DLGAP1: variants seen among roughly 807,000 people sequenced by gnomAD.
DLGAP1 encodes disks large-associated protein 1.
Under a neutral mutation model 90.8 loss-of-function variants are expected in DLGAP1, and 11 were observed. That is an observed-to-expected ratio of 0.12 (90% CI 0.08 to 0.20). The LOEUF is 0.20. Among genes scored for constraint, DLGAP1 ranks in the 10% least tolerant of loss-of-function variants. The probability of loss-of-function intolerance (pLI) is 1.00; values close to 1 mark genes in which losing one functional copy is unlikely to be tolerated. For missense variants in DLGAP1, 1,050 were observed against 1,333.8 expected (o/e 0.79, Z 3.31); for synonymous variants, 558 against 540.7 (o/e 1.03, Z -0.44).
chr18:3,585,022 G>C (rs544093055), intron 7 of DLGAP1, among the ~76,000 whole-genome samples: 17 of 152,232 alleles, frequency 1.1e-4, no homozygotes, highest in Non-Finnish European at 1.6e-4. Context: ...CAAAGTGCTG[G>C]GATTAGAGGC....
chr18:4,364,539 G>C lies in DLGAP1; in HGVS notation c.-267+90467C>G, dbSNP rs553572745. 4.0e-5 allele frequency among the ~76,000 whole-genome samples: 6 copies of C among 151,336 alleles called. 1 individual carries two copies. In the South Asian group the frequency reaches 1.0e-3, roughly 26 times the overall value. On this transcript the variant is annotated intron_variant, in intron 1 of 12. Coordinates refer to ENST00000315677, the MANE Select transcript of DLGAP1 (RefSeq NM_004746.4). Reference sequence around the variant, plus strand: ...AAACAGTAATGGCAATAAAACATGGGAGGGAGTGCCCAGAATTGAGATGCT... The same window carrying C: ...AAACAGTAATGGCAATAAAACATGGCAGGGAGTGCCCAGAATTGAGATGCT...
chr18:4,266,347 C>T (rs1256429376), intron 1 of DLGAP1, among the ~76,000 whole-genome samples: 3 of 152,260 alleles, frequency 2.0e-5, no homozygotes, highest in Non-Finnish European at 4.4e-5. Context: ...GATAAAAATA[C>T]AATGCCACAG....
intron 7 of DLGAP1, among the ~76,000 whole-genome samples, chr18:3,697,802 T>C (rs1598386463): frequency 6.6e-6 from 1 of 152,158 alleles, no homozygotes; most frequent in African/African-American, 2.4e-5. Context: ...TCTCCCACTA[T>C]TATTGTGTGG....
intron 1 of DLGAP1, among the ~76,000 whole-genome samples, chr18:4,235,717 G>GTC (rs2078395565): frequency 9.8e-6 from 1 of 101,606 alleles, no homozygotes; most frequent in Non-Finnish European, 2.0e-5. Context: ...CAATTTCAAT[G>GTC]TCTTTTTTTT....
At chr18:3,718,222 AG>A (rs2061830799) in intron 7 of DLGAP1, among the ~76,000 whole-genome samples, 1 of 151,622 alleles carries the variant, frequency 6.6e-6, no homozygotes, top group African/African-American at 2.4e-5. Context: ...GCACTTTGGG[AG>A]GCTGAGGTGG....
intron 7 of DLGAP1, among the ~76,000 whole-genome samples, chr18:3,585,821 A>G (rs2055846385): frequency 6.6e-6 from 1 of 152,198 alleles, no homozygotes; most frequent in Non-Finnish European, 1.5e-5. Context: ...CTCCAAAAAA[A>G]AGCTAGATAA....
At chr18:3,740,592 T>C (rs577701333) in intron 6 of DLGAP1, among the ~76,000 whole-genome samples, 1 of 152,226 alleles carries the variant, frequency 6.6e-6, no homozygotes, top group African/African-American at 2.4e-5. Flanking sequence ...GAGAGCAGTG[T>C]CCCTATTTCA....
rs1214567386 is a variant in DLGAP1 at position 3,517,051 on chromosome 18, C to A, written c.2480-8390G>T. ...CTGAGCCATAGGTCTCAACAGTAGG[C>A]TTAAAGTGTACAGTAAACCATGCTG... On this transcript the variant is annotated intron_variant, in intron 10 of 12. Coordinates refer to ENST00000315677, the MANE Select transcript of DLGAP1 (RefSeq NM_004746.4). This position sits in a 1 kb window ranked among gnomAD's most constrained non-coding sequence, Gnocchi z 4.1. 1.3e-5 allele frequency among the ~76,000 whole-genome samples: 2 copies of A among 152,192 alleles called. No individual in the cohort carries two copies. Among genetic ancestry groups the A allele is most frequent in the East Asian group, 3.8e-4 (2 of 5,200 alleles).
At chr18:4,047,533 G>T (rs933693826) in intron 2 of DLGAP1, among the ~76,000 whole-genome samples, 3 of 152,174 alleles carry the variant, frequency 2.0e-5, no homozygotes, top group Non-Finnish European at 4.4e-5. Flanking sequence ...AATTTCAGAG[G>T]TTATACATAG....
intron 7 of DLGAP1, among the ~76,000 whole-genome samples, chr18:3,651,797 A>G (rs2059314621): frequency 6.6e-6 from 1 of 151,968 alleles, no homozygotes; most frequent in African/African-American, 2.4e-5. Context: ...ACATGGTGAA[A>G]CCCTGTCTCT....
At chr18:3,664,136 G>C (rs2059783932) in intron 7 of DLGAP1, among the ~76,000 whole-genome samples, 3 of 150,886 alleles carry the variant, frequency 2.0e-5, no homozygotes, top group Admixed American at 2.0e-4. Context: ...CTTGCTTGCT[G>C]ACTGCAGATC....
At chr18:3,873,308 A>G (rs546921886) in intron 4 of DLGAP1, among the ~76,000 whole-genome samples, 44 of 152,302 alleles carry the variant, frequency 2.9e-4, no homozygotes, top group African/African-American at 1.0e-3. Flanking sequence ...ATGAATGAAG[A>G]GGGGCATCTC....
intron 1 of DLGAP1, among the ~76,000 whole-genome samples, chr18:4,370,969 A>G (rs10502326): frequency 0.19 from 21,319 of 110,282 alleles, 1,755 homozygotes; most frequent in African/African-American, 0.31. Flanking sequence ...GTCAAAATTA[A>G]CAACATAACA....
At position 3,864,398 on chromosome 18, in the gene DLGAP1, T is replaced by G. The variant is rs148972798; in HGVS notation, c.957+14714A>C. The stretch of plus-strand genomic sequence containing the variant: ...TGTTAAGTGAATAATTAATATTTCA[T>G]TCTTATGCATGGTGATATGTTATAA... On this transcript the variant is annotated intron_variant, in intron 4 of 12. Coordinates refer to ENST00000315677, the MANE Select transcript of DLGAP1 (RefSeq NM_004746.4). Among the ~76,000 whole-genome samples the G allele has an allele frequency of 2.2e-4, 34 of 152,350 alleles. No homozygotes were observed. The East Asian group carries it at 6.6e-3, about 29-fold the overall frequency.
intron 1 of DLGAP1, among the ~76,000 whole-genome samples, chr18:4,214,997 A>G (rs1341768737): frequency 1.3e-5 from 2 of 152,176 alleles, no homozygotes; most frequent in Non-Finnish European, 2.9e-5. Context: ...AAGGAAAGAG[A>G]TAAAGAGTTC....
intron 9 of DLGAP1, among the ~76,000 whole-genome samples, chr18:3,545,093 G>A (rs2052936683): frequency 6.6e-6 from 1 of 151,920 alleles, no homozygotes; most frequent in African/African-American, 2.4e-5. Flanking sequence ...GGCCAACACG[G>A]TGAAACTCTG....
chr18:3,840,589 T>C (rs2148628493), intron 4 of DLGAP1, among the ~76,000 whole-genome samples: 1 of 152,320 alleles, frequency 6.6e-6, no homozygotes, highest in South Asian at 2.1e-4. Flanking sequence ...ATCTGCAAAG[T>C]CATCTTTTCC....
chr18:4,093,446 T>C (rs1429290462), intron 2 of DLGAP1, among the ~76,000 whole-genome samples: 1 of 152,196 alleles, frequency 6.6e-6, no homozygotes, highest in Non-Finnish European at 1.5e-5. Flanking sequence ...GGAAGCCTAC[T>C]AGTCTCTTAA....
At chr18:3,530,662 T>C (rs1359131478) in intron 10 of DLGAP1, among the ~76,000 whole-genome samples, 1 of 152,160 alleles carries the variant, frequency 6.6e-6, no homozygotes, top group African/African-American at 2.4e-5. Flanking sequence ...TACTGAAAAC[T>C]ACCCCTGCTC....
Sources: gnomAD v4.1 joint callset for allele counts (sites outside exome capture counted in the v4.1 genomes callset) on GRCh38, gnomAD v4.1.1 for gene constraint, Gnocchi (gnomAD v3.1) non-coding constraint, MANE v1.5 for transcripts, NCBI Gene and HGNC (gene_info 2026-07-23, HGNC 2026-07-21) for gene names.